The following CCDC88A variants were observed in gnomAD, a reference collection of about 807,000 sequenced individuals.
CCDC88A encodes girdin.
In CCDC88A, 54 loss-of-function variants were observed where a neutral mutation model predicts 234.3. The ratio of observed to expected loss-of-function variants is 0.23; its 90% CI spans 0.19 to 0.29. The LOEUF (loss-of-function observed/expected upper bound fraction) is 0.29. Ranked by LOEUF, CCDC88A falls within the 10% of genes least tolerant of loss-of-function variation. The probability of loss-of-function intolerance (pLI) is 1.00; values close to 1 mark genes in which losing one functional copy is unlikely to be tolerated. For synonymous variants in CCDC88A, 753 were observed against 737.8 expected (o/e 1.02, Z -0.33); for missense variants, 1,832 against 2,123.4 (o/e 0.86, Z 2.70).
In CCDC88A at chr2:55,336,672, T is replaced by G. The variant is rs1685496657; in HGVS notation, c.1656+9A>C. On this transcript the variant is annotated intron_variant, in intron 14 of 32. Transcript: ENST00000436346. The stretch of plus-strand genomic sequence containing the variant: ...AATACATTGTTTACTTAGTAAAAAA[T>G]GTATGAACCTGTCTCTCTGAATTTT... The G allele has an allele frequency of 7.2e-6, 11 of 1,523,680 alleles. No homozygotes were observed. The East Asian group carries it at 2.6e-4, about 37-fold the overall frequency. The allele number at this position is 1,523,680 out of a possible 1,614,324, so 94.4% of individuals were successfully genotyped here. A position where few individuals can be genotyped will look rare whatever the true frequency, so the allele number is the denominator to read the frequency against.
rs1180274815 is a variant in CCDC88A, at chr2:55,416,509, T to A, written c.164+2307A>T. On this transcript the variant is annotated intron_variant, in intron 2 of 32. Coordinates refer to ENST00000436346, the MANE Select transcript of CCDC88A (RefSeq NM_001365480.1). ...ATATGTATATATTTTCTTCTAGGAATAATGACTGAAACTTTTCTAAATTTG... is the reference window on the plus strand; with the variant it reads ...ATATGTATATATTTTCTTCTAGGAAAAATGACTGAAACTTTTCTAAATTTG... Among the ~76,000 whole-genome samples, 22 of 128,742 alleles carry A rather than the reference T, an allele frequency of 1.7e-4. 3 individuals are homozygous for A. Among genetic ancestry groups the A allele is most frequent in the Non-Finnish European group, 3.5e-4 (21 of 60,352 alleles). The allele number at this position is 128,742 out of a possible 152,430, so 84.5% of individuals were successfully genotyped here.
At chr2:55,413,080 T>A (rs532713142) in intron 2 of CCDC88A, among the ~76,000 whole-genome samples, 1 of 152,114 alleles carries the variant, frequency 6.6e-6, no homozygotes, top group East Asian at 1.9e-4. Flanking sequence ...CAGTAGCACA[T>A]GCCTGCAGTC....
chr2:55,386,064 A>C (rs1408355219), intron 3 of CCDC88A, among the ~76,000 whole-genome samples: 5 of 151,350 alleles, frequency 3.3e-5, no homozygotes. Flanking sequence ...CTCTACTAAA[A>C]ATACAAAAAT....
chr2:55,324,334 A>G (rs1684000996), intron 17 of CCDC88A: 1 of 152,246 alleles, frequency 6.6e-6, no homozygotes, highest in African/African-American at 2.4e-5. Context: ...TAACCCATAT[A>G]TCAACATGAC....
At position 55,334,564 on chromosome 2, in the gene CCDC88A, G is replaced by T; in HGVS notation, c.2257C>A (p.Arg753Ser). The change falls in exon 15 of 33, where the codon CGC becomes AGC. Residue 753 changes from arginine (R) to serine (S), a missense_variant. This residue lies in a region of CCDC88A where 1,282 missense variants were observed against 1,543.6 expected (regional missense o/e 0.83). Coordinates refer to ENST00000436346, the MANE Select transcript of CCDC88A (RefSeq NM_001365480.1). This position sits in a 1 kb window ranked among gnomAD's most constrained non-coding sequence, Gnocchi z 6.1. Reference sequence around the variant, plus strand: ...AAACCCTGGTAGCTAACTTCTAAGCGTTCTGTTTTCTTGAAAGATGCTTTC... The same window carrying T: ...AAACCCTGGTAGCTAACTTCTAAGCTTTCTGTTTTCTTGAAAGATGCTTTC... ...LLKASFKKTERLEVSYQGLDI... is the reference protein window; with the variant it reads ...LLKASFKKTESLEVSYQGLDI... The T allele has an allele frequency of 6.2e-7, 1 of 1,612,678 alleles. No individual in the cohort carries two copies. Among genetic ancestry groups the T allele is most frequent in the South Asian group, 1.1e-5 (1 of 91,042 alleles).
intron 8 of CCDC88A, among the ~76,000 whole-genome samples, chr2:55,354,143 CTT>C (rs70954105): frequency 0.48 from 69,567 of 145,986 alleles, 17,195 homozygotes; most frequent in East Asian, 0.85. Flanking sequence ...AAAAATGGTA[CTT>C]TTTTTTTTTT....
chr2:55,291,497 C>T, intron 32 of CCDC88A, 179 bp downstream of exon 32: 1 of 386,788 alleles, frequency 2.6e-6, no homozygotes. Context: ...CTTGCGCTGA[C>T]AGGTAAAAAC....
Position 55,335,542 on chromosome 2 carries a change from TTTTAC to T in CCDC88A, c.1657-383_1657-379del, listed in dbSNP as rs1558690835. Among the ~76,000 whole-genome samples the T allele has an allele frequency of 6.6e-6, 1 of 152,204 alleles. No homozygotes were observed. Among genetic ancestry groups the T allele is most frequent in the Non-Finnish European group, 1.5e-5 (1 of 68,030 alleles). On this transcript the variant is annotated intron_variant, in intron 14 of 32. Coordinates refer to ENST00000436346, the MANE Select transcript of CCDC88A (RefSeq NM_001365480.1). This position sits in a 1 kb window ranked among gnomAD's most constrained non-coding sequence, Gnocchi z 4.5. ...CCTCCTTGAGAACATAAGGTTCTAC[TTTTAC>T]TAAGTAACCTTTGCAATGCCTACAG...
intron 28 of CCDC88A, 23 bp from the exon 29 acceptor site, chr2:55,299,942 AGT>A (rs1198151024): frequency 1.3e-6 from 2 of 1,569,628 alleles, no homozygotes; most frequent in Admixed American, 1.7e-5. Context: ...ACCAGGAGAC[AGT>A]GTGATAAAAC....
At chr2:55,305,746 T>C (rs1198973416) in intron 25 of CCDC88A, among the ~76,000 whole-genome samples, 2 of 152,010 alleles carry the variant, frequency 1.3e-5, no homozygotes, top group African/African-American at 4.8e-5. Context: ...TCCCAGCTAT[T>C]TGGGAGGATG....
chr2:55,407,900 TAG>T (rs1449757867), intron 2 of CCDC88A, among the ~76,000 whole-genome samples: 1 of 151,500 alleles, frequency 6.6e-6, no homozygotes, highest in African/African-American at 2.4e-5. Context: ...GTATTTTTAG[TAG>T]AGACGGGGTT....
chr2:55,302,130 T>A lies in CCDC88A; in HGVS notation c.4472-58A>T, dbSNP rs1205087669. ...TGGTTAATGTATTTGTTCTTATTTCTATTTTGTAGTACAAATACTGTGGTT... is the reference window on the plus strand; with the variant it reads ...TGGTTAATGTATTTGTTCTTATTTCAATTTTGTAGTACAAATACTGTGGTT... On this transcript the variant is annotated intron_variant, in intron 26 of 32. Transcript: ENST00000436346. The A allele has an allele frequency of 1.2e-5, 17 of 1,360,436 alleles. No individual in the cohort carries two copies. In the Admixed American group the frequency reaches 3.0e-4, roughly 24 times the overall value. 84.3% of individuals were successfully genotyped at this position (1,360,436 alleles called of 1,614,324 possible).
In CCDC88A at chr2:55,301,969, T is replaced by C. The variant is rs1197439969; in HGVS notation, c.4575A>G (p.Lys1525=). The part of the protein sequence containing the change: ...PDDISTGKRR[K]ELGAMAFSTT... Reference sequence around the variant, plus strand: ...TAGAGAAGGCCATAGCTCCCAATTCTTTTCTCCTTTTACCCGTTGAAATAT... The same window carrying C: ...TAGAGAAGGCCATAGCTCCCAATTCCTTTCTCCTTTTACCCGTTGAAATAT... Residue 1525 remains lysine, a synonymous_variant, in exon 27 of 33, where the codon AAA becomes AAG. Transcript: ENST00000436346. The C allele has an allele frequency of 6.2e-7, 1 of 1,614,122 alleles. No homozygotes were observed. The highest frequency in any genetic ancestry group is 8.5e-7 in the Non-Finnish European group (1 of 1,179,974).
In CCDC88A at chr2:55,334,194, T is replaced by A. The variant is rs551917862; in HGVS notation, c.2627A>T (p.Tyr876Phe). 1.4e-6 allele frequency: 2 copies of A among 1,424,900 alleles called. No homozygotes were observed. The highest frequency in any genetic ancestry group is 2.6e-5 in the East Asian group (1 of 39,058). The allele number at this position is 1,424,900 out of a possible 1,614,324, so 88.3% of individuals were successfully genotyped here. Residue 876 changes from tyrosine (Y) to phenylalanine (F), a missense_variant, in exon 15 of 33, where the codon TAT (tyrosine) becomes TTT (phenylalanine). Around this residue, in one of 6 missense-constraint regions of CCDC88A, gnomAD observed 1,282 missense variants for 1,543.6 expected, o/e 0.83. Coordinates refer to ENST00000436346, the MANE Select transcript of CCDC88A (RefSeq NM_001365480.1). This position sits in a 1 kb window ranked among gnomAD's most constrained non-coding sequence, Gnocchi z 6.1. ...NKTLSKEIGI[Y>F]KESCVRLKEL... Reference sequence around the variant, plus strand: ...TTTCAGACGGACACAAGATTCTTTATATATACCAATTTCTTTGGATAGGGT... The same window carrying A: ...TTTCAGACGGACACAAGATTCTTTAAATATACCAATTTCTTTGGATAGGGT...
intron 2 of CCDC88A, among the ~76,000 whole-genome samples, chr2:55,401,490 G>A (rs866229951): frequency 2.7e-4 from 6 of 22,288 alleles, no homozygotes; most frequent in South Asian, 1.5e-3. Flanking sequence ...ATGTATGTGT[G>A]TGTGTATACA....
At chr2:55,383,809 A>G (rs1223346303) in intron 3 of CCDC88A, among the ~76,000 whole-genome samples, 2 of 152,172 alleles carry the variant, frequency 1.3e-5, no homozygotes, top group African/African-American at 4.8e-5. Flanking sequence ...TTTGGAAAAT[A>G]TTAACTTGCA....
intron 5 of CCDC88A, among the ~76,000 whole-genome samples, chr2:55,366,283 T>C (rs1332174450): frequency 1.3e-5 from 2 of 152,126 alleles, no homozygotes; most frequent in African/African-American, 4.8e-5. Flanking sequence ...CCCAACACTT[T>C]GGGAGGCTGA....
intron 4 of CCDC88A, among the ~76,000 whole-genome samples, chr2:55,374,144 C>T (rs1391662759): frequency 6.6e-6 from 1 of 152,118 alleles, no homozygotes; most frequent in South Asian, 2.1e-4. Flanking sequence ...GAGGCCGAGG[C>T]GGGCAGATCA....
intron 12 of CCDC88A, among the ~76,000 whole-genome samples, chr2:55,341,385 G>A (rs370040107): frequency 5.3e-5 from 8 of 150,750 alleles, no homozygotes; most frequent in East Asian, 3.9e-4. Context: ...TGATCTGCCC[G>A]CCTCGGCCTC....
Sources: gnomAD v4.1 joint callset for allele counts (sites outside exome capture counted in the v4.1 genomes callset) on GRCh38, gnomAD v4.1.1 for gene constraint, gnomAD v4.1.1 regional missense constraint, Gnocchi (gnomAD v3.1) non-coding constraint, MANE v1.5 for transcripts, NCBI Gene and HGNC (gene_info 2026-07-23, HGNC 2026-07-21) for gene names.